DDHD1: variants seen among roughly 807,000 people sequenced by gnomAD.
DDHD1 encodes the protein DDHD domain containing 1.
DDHD1 carries 49 observed loss-of-function variants against 96.4 expected under a neutral mutation model. The observed-to-expected ratio is 0.51, with a 90% CI of 0.40 to 0.64. The LOEUF (loss-of-function observed/expected upper bound fraction) is 0.64. Among genes scored for constraint, DDHD1 ranks in the 30% least tolerant of loss-of-function variants. The pLI is 0.00. For missense variants in DDHD1, 1,106 were observed against 1,161.2 expected, an observed-to-expected ratio of 0.95 and a Z score of 0.69; for synonymous variants, 442 against 446.5, an observed-to-expected ratio of 0.99 and a Z score of 0.13.
In DDHD1 at chr14:53,153,103, T is replaced by C. The variant is rs1891589681; in HGVS notation, c.-5A>G. The C allele has an allele frequency of 5.0e-6, 7 of 1,393,722 alleles. No homozygotes were observed. Among genetic ancestry groups the C allele is most frequent in the Non-Finnish European group, 6.4e-6 (7 of 1,086,616 alleles). 86.3% of individuals were successfully genotyped at this position (1,393,722 alleles called of 1,614,324 possible). A position where few individuals can be genotyped will look rare whatever the true frequency, so the allele number is the denominator to read the frequency against. On this transcript the variant is annotated 5_prime_UTR_variant, in exon 1 of 13. Coordinates refer to ENST00000673822, the MANE Select transcript of DDHD1 (RefSeq NM_001160148.2). ...CCCGCGGCCCGGGTAATTCATGCTGTGGAGACGCCGCCGGCTGTCCGGCGG... is the reference window on the plus strand; with the variant it reads ...CCCGCGGCCCGGGTAATTCATGCTGCGGAGACGCCGCCGGCTGTCCGGCGG...
At chr14:53,111,114 A>G (rs1888070079) in intron 1 of DDHD1, among the ~76,000 whole-genome samples, 1 of 152,218 alleles carries the variant, frequency 6.6e-6, no homozygotes, top group Non-Finnish European at 1.5e-5. Flanking sequence ...TCTACTATGC[A>G]AATGCTTGAG....
rs1200714142 is a variant in DDHD1 at position 53,046,108 on chromosome 14, T to C, written c.*660A>G. 1.3e-5 allele frequency: 2 copies of C among 152,130 alleles called. No homozygotes were observed. Among genetic ancestry groups the C allele is most frequent in the African/African-American group, 2.4e-5 (1 of 41,446 alleles). The allele number at this position is 152,130 out of a possible 1,614,324, so 9.4% of individuals were successfully genotyped here. On this transcript the variant is annotated 3_prime_UTR_variant, in exon 13 of 13. Coordinates refer to ENST00000673822, the MANE Select transcript of DDHD1 (RefSeq NM_001160148.2). ...TCTGAAGAGTACAAAGATGGAGTTC[T>C]GAGAAAAAAGGGTTTATCACTATAG...
intron 1 of DDHD1, among the ~76,000 whole-genome samples, chr14:53,117,950 C>A (rs1460196925): frequency 6.6e-6 from 1 of 152,176 alleles, no homozygotes; most frequent in Non-Finnish European, 1.5e-5. Context: ...TGGGACGAAG[C>A]TTCCAGAGGA....
chr14:53,151,979 G>C (rs1891416194), intron 1 of DDHD1, among the ~76,000 whole-genome samples: 1 of 152,168 alleles, frequency 6.6e-6, no homozygotes, highest in Non-Finnish European at 1.5e-5. Flanking sequence ...TGCGGATCCG[G>C]TCCTGGATCA....
At chr14:53,101,297 A>G (rs1471723918) in intron 2 of DDHD1, among the ~76,000 whole-genome samples, 1 of 152,148 alleles carries the variant, frequency 6.6e-6, no homozygotes, top group African/African-American at 2.4e-5. Context: ...TTTCAAATGT[A>G]CTACACAATT....
At chr14:53,067,459 C>CTTTTT (rs774228803) in intron 6 of DDHD1, among the ~76,000 whole-genome samples, 1 of 134,714 alleles carries the variant, frequency 7.4e-6, no homozygotes, top group Non-Finnish European at 1.6e-5. Context: ...TGTCTAGCCT[C>CTTTTT]TTTTTTTTTT....
intron 1 of DDHD1, among the ~76,000 whole-genome samples, chr14:53,141,899 CA>C: frequency 6.6e-6 from 1 of 152,164 alleles, no homozygotes; most frequent in South Asian, 2.1e-4. Flanking sequence ...CCCTTCCCCC[CA>C]ACCCCAAATA....
intron 1 of DDHD1, among the ~76,000 whole-genome samples, chr14:53,141,925 C>T (rs962906425): frequency 2.6e-5 from 4 of 151,904 alleles, no homozygotes; most frequent in Non-Finnish European, 4.4e-5. Context: ...AGGTTTACCA[C>T]GTATTTTTTT....
intron 4 of DDHD1, among the ~76,000 whole-genome samples, chr14:53,088,062 C>T (rs1416469202): frequency 1.3e-5 from 2 of 152,168 alleles, no homozygotes; most frequent in Admixed American, 6.5e-5. Context: ...ACCAGAAAAT[C>T]TAGAAGAAAT....
intron 1 of DDHD1, among the ~76,000 whole-genome samples, chr14:53,143,499 T>G (rs756201572): frequency 1.6e-4 from 25 of 152,200 alleles, no homozygotes; most frequent in Non-Finnish European, 3.2e-4. Context: ...CAGGGTCATT[T>G]ATAATCTGAC....
chr14:53,092,646 CAGCCTGGACAACACAAGG>C (rs1344224149), intron 3 of DDHD1: 1 of 152,072 alleles, frequency 6.6e-6, no homozygotes, highest in Non-Finnish European at 1.5e-5. Context: ...AATTTGAGAC[CAGCCTGGACAACACAAGG>C]AGACTCCGTT....
chr14:53,071,594 T>C (rs1209296266), intron 6 of DDHD1, among the ~76,000 whole-genome samples: 1 of 152,126 alleles, frequency 6.6e-6, no homozygotes, highest in Non-Finnish European at 1.5e-5. Flanking sequence ...TGATTCAGTA[T>C]ATGTATATAT....
At chr14:53,063,977 G>A (rs1883812690) in intron 6 of DDHD1, among the ~76,000 whole-genome samples, 1 of 151,944 alleles carries the variant, frequency 6.6e-6, no homozygotes, top group Non-Finnish European at 1.5e-5. Flanking sequence ...ACCCATCCTG[G>A]GCCCTGATCT....
intron 4 of DDHD1, among the ~76,000 whole-genome samples, chr14:53,078,554 A>G (rs1298351925): frequency 6.6e-6 from 1 of 152,132 alleles, no homozygotes; most frequent in East Asian, 1.9e-4. Flanking sequence ...GTGGTTTGCT[A>G]ATATTTTCTC....
rs767290944 is a variant in DDHD1 at position 53,073,828 on chromosome 14, T to TA, written c.1308_1309insT (p.Lys437Ter). On this transcript the variant is annotated frameshift_variant, in exon 5 of 13. Coordinates refer to ENST00000673822, the MANE Select transcript of DDHD1 (RefSeq NM_001160148.2). LOFTEE classifies it high-confidence loss of function. Reference sequence around the variant, plus strand: ...TTGGAAAAATGCCTTTCTTCTATTTTTCTTGCAGCTTCTCTCATCCTAAAA... The same window carrying TA: ...TTGGAAAAATGCCTTTCTTCTATTTTATCTTGCAGCTTCTCTCATCCTAAAA... The TA allele has an allele frequency of 2.5e-6, 4 of 1,610,750 alleles. No homozygotes were observed. Among genetic ancestry groups the TA allele is most frequent in the Non-Finnish European group, 2.5e-6 (3 of 1,178,180 alleles).
intron 1 of DDHD1, among the ~76,000 whole-genome samples, chr14:53,129,795 A>G (rs1224670303): frequency 6.6e-6 from 1 of 152,218 alleles, no homozygotes; most frequent in Non-Finnish European, 1.5e-5. Context: ...TTCTTCTGCA[A>G]CACTGCTTGG....
intron 1 of DDHD1, among the ~76,000 whole-genome samples, chr14:53,132,829 C>T (rs1419711056): frequency 6.6e-6 from 1 of 152,238 alleles, no homozygotes; most frequent in African/African-American, 2.4e-5. Context: ...CAGGGCAACG[C>T]TTCTGCTGAT....
chr14:53,123,511 GA>G (rs983649705), intron 1 of DDHD1, among the ~76,000 whole-genome samples: 1 of 152,084 alleles, frequency 6.6e-6, no homozygotes, highest in Non-Finnish European at 1.5e-5. Context: ...AAACAACCCA[GA>G]TGTCCAAAGA....
chr14:53,112,697 C>T (rs1046181414), intron 1 of DDHD1, among the ~76,000 whole-genome samples: 2 of 152,202 alleles, frequency 1.3e-5, no homozygotes, highest in South Asian at 4.1e-4. Context: ...TTTTCTACTC[C>T]TATTTGTGTA....
Sources: gnomAD v4.1 joint callset for allele counts (sites outside exome capture counted in the v4.1 genomes callset) on GRCh38, gnomAD v4.1.1 for gene constraint, MANE v1.5 for transcripts, NCBI Gene and HGNC (gene_info 2026-07-23, HGNC 2026-07-21) for gene names.